TFB2M: variants seen among roughly 807,000 people sequenced by gnomAD.
TFB2M encodes transcription factor B2, mitochondrial, also known as dimethyladenosine transferase 2, mitochondrial.
Under a neutral mutation model 41.3 loss-of-function variants are expected in TFB2M, and 44 were observed. The ratio of observed to expected loss-of-function variants is 1.07; its 90% confidence interval spans 0.84 to 1.37. TFB2M has a LOEUF of 1.37. Among genes scored for constraint, TFB2M ranks in the 40% most tolerant of loss-of-function variants. The pLI, the probability that TFB2M is intolerant of heterozygous loss-of-function variation, is 0.00. For synonymous variants in TFB2M, 188 were observed against 176.8 expected (o/e 1.06, Z -0.50); for missense variants, 496 against 490.2 (o/e 1.01, Z -0.11).
intron 6 of TFB2M, among the ~76,000 whole-genome samples, chr1:246,546,645 G>GAA (rs35909822): frequency 8.7e-5 from 12 of 137,182 alleles, no homozygotes; most frequent in African/African-American, 2.6e-4. Context: ...ATAAAAAAAG[G>GAA]AAAAAAAAAA....
intron 2 of TFB2M, 152 bp downstream of exon 2, chr1:246,564,194 G>A (rs560118184): frequency 2.1e-4 from 137 of 638,824 alleles, no homozygotes; most frequent in African/African-American, 2.1e-3. Context: ...AATATTAACT[G>A]TGTTCTAGTC....
intron 6 of TFB2M, among the ~76,000 whole-genome samples, chr1:246,546,983 ATTTTTT>A (rs74163461): frequency 7.9e-6 from 1 of 127,180 alleles, no homozygotes; most frequent in Non-Finnish European, 1.7e-5. Flanking sequence ...ACACACACAC[ATTTTTT>A]TTTTTTTTTT....
At chr1:246,561,465 G>A (rs184266313) in intron 2 of TFB2M, among the ~76,000 whole-genome samples, 1 of 151,926 alleles carries the variant, frequency 6.6e-6, no homozygotes, top group East Asian at 1.9e-4. Flanking sequence ...CTGTTATCTT[G>A]AAGGTTTTTT....
intron 6 of TFB2M, among the ~76,000 whole-genome samples, chr1:246,546,543 G>C (rs1230272393): frequency 1.5e-4 from 22 of 151,722 alleles, no homozygotes; most frequent in Non-Finnish European, 5.9e-5. Flanking sequence ...GAACTCGGGA[G>C]GTAGGGGTTG....
chr1:246,549,943 T>C lies in TFB2M; in HGVS notation c.795+1270A>G, dbSNP rs1659126207. The stretch of plus-strand genomic sequence containing the variant: ...ACAGCTTTCCCCTCATCAAGCACAG[T>C]GGAGGAAAACCTGCAAGACACTGGG... On this transcript the variant is annotated intron_variant, in intron 5 of 7. Transcript: ENST00000366514. Among the ~76,000 whole-genome samples the C allele has an allele frequency of 7.2e-5, 11 of 152,238 alleles. No homozygotes were observed. In the South Asian group the frequency reaches 2.3e-3, roughly 32 times the overall value.
At chr1:246,548,230 A>G (rs764809493) in intron 6 of TFB2M, among the ~76,000 whole-genome samples, 9 of 152,212 alleles carry the variant, frequency 5.9e-5, no homozygotes, top group Non-Finnish European at 1.0e-4. Flanking sequence ...TTTTGTTTCT[A>G]ATTAATCGAA....
intron 1 of TFB2M, 51 bp from the exon 2 acceptor site, chr1:246,564,485 T>C (rs745933491): frequency 6.6e-7 from 1 of 1,515,728 alleles, no homozygotes; most frequent in Non-Finnish European, 9.1e-7. Flanking sequence ...ACATAATCTC[T>C]TTCAATACCA....
intron 3 of TFB2M, 28 bp downstream of exon 3, chr1:246,557,353 A>G (rs1659350053): frequency 6.2e-7 from 1 of 1,601,580 alleles, no homozygotes; most frequent in African/African-American, 1.3e-5. Flanking sequence ...AATTCTAGGT[A>G]TTTGCTTTAG....
rs752116599 is a variant in TFB2M, at chr1:246,566,023, C to T, written c.116G>A (p.Arg39Lys). The change falls in exon 1 of 8, where the codon AGG (arginine) becomes AAG (lysine). Residue 39 changes from arginine to lysine, a missense_variant. Coordinates refer to ENST00000366514, the MANE Select transcript of TFB2M (RefSeq NM_022366.3). Reference sequence around the variant, plus strand: ...GGAGTCAGAGAGCCCACAGTGGTTCCTCGCCGGCAAATGCTTTCGCGTCGC... The same window carrying T: ...GGAGTCAGAGAGCCCACAGTGGTTCTTCGCCGGCAAATGCTTTCGCGTCGC... ...EAATRKHLPA[R>K]NHCGLSDSSP... 3.0e-5 allele frequency: 48 copies of T among 1,614,222 alleles called. 1 individual carries two copies. The South Asian group carries it at 4.2e-4, about 14-fold the overall frequency.
In TFB2M at chr1:246,558,443, G is replaced by A. The variant is rs143621800; in HGVS notation, c.403-909C>T. On this transcript the variant is annotated intron_variant, in intron 2 of 7. Transcript: ENST00000366514. ...ATTACAGGTGTGAGCCACTGCACCC[G>A]GCCCCACTTACTTTCTTTATCATAA... Among the ~76,000 whole-genome samples the A allele has an allele frequency of 1.3e-3, 200 of 152,000 alleles. 1 individual carries two copies. Among genetic ancestry groups the A allele is most frequent in the African/African-American group, 4.6e-3 (191 of 41,446 alleles).
intron 1 of TFB2M, among the ~76,000 whole-genome samples, chr1:246,565,388 G>C (rs533978530): frequency 6.6e-6 from 1 of 152,266 alleles, no homozygotes; most frequent in South Asian, 2.1e-4. Flanking sequence ...TTATGTAGTG[G>C]GCAATCTCTC....
rs766945647 is a variant in TFB2M at position 246,541,568 on chromosome 1, G to C, written c.1020-366C>G. On this transcript the variant is annotated intron_variant, in intron 7 of 7. Coordinates refer to ENST00000366514, the MANE Select transcript of TFB2M (RefSeq NM_022366.3). ...ATATAAGCAATCTTATTTAGTTTAA[G>C]AGCTTCCAGTAACTTTATGCTTATT... Among the ~76,000 whole-genome samples, 3 of 152,088 alleles carry C rather than the reference G, an allele frequency of 2.0e-5. No homozygotes were observed. The South Asian group carries it at 6.2e-4, about 32-fold the overall frequency.
chr1:246,557,392 G>A lies in TFB2M; in HGVS notation c.545C>T (p.Pro182Leu), dbSNP rs752517729. ...LFKNLGIEAV[P>L]WTADIPLKVV... ...ATTCCAAAAATGACCTGCTGTCCAA[G>A]GAACTGCTTCTATTCCCAAATTCTT... is the stretch of plus-strand genomic sequence containing the variant. Residue 182 changes from proline to leucine, a missense_variant, in exon 3 of 8, where the codon CCT becomes CTT. Pro to Leu is a moderately conservative substitution (Grantham distance 98). Transcript: ENST00000366514. 9 of 1,610,940 alleles carry A rather than the reference G, an allele frequency of 5.6e-6. No homozygotes were observed. Among genetic ancestry groups the A allele is most frequent in the African/African-American group, 2.7e-5 (2 of 74,752 alleles).
intron 6 of TFB2M, among the ~76,000 whole-genome samples, 157 bp from the exon 7 acceptor site, chr1:246,544,838 C>T (rs1658954562): frequency 6.6e-6 from 1 of 152,188 alleles, no homozygotes; most frequent in African/African-American, 2.4e-5. Flanking sequence ...TAGAGTCTCA[C>T]TCTGTCGCCC....
At chr1:246,561,669 A>G (rs1283737911) in intron 2 of TFB2M, among the ~76,000 whole-genome samples, 1 of 152,074 alleles carries the variant, frequency 6.6e-6, no homozygotes, top group Admixed American at 6.5e-5. Context: ...GGGTTTCACT[A>G]TGTTGGCCAG....
chr1:246,550,174 A>G (rs1659135133), intron 5 of TFB2M, among the ~76,000 whole-genome samples: 1 of 152,268 alleles, frequency 6.6e-6, no homozygotes, highest in African/African-American at 2.4e-5. Flanking sequence ...TGAAGAAACT[A>G]GCTGAAAGCT....
chr1:246,554,364 G>A (rs1339445752), intron 4 of TFB2M, among the ~76,000 whole-genome samples: 3 of 152,146 alleles, frequency 2.0e-5, no homozygotes, highest in South Asian at 2.1e-4. Flanking sequence ...GGAAGTGAGC[G>A]GCAGGTGAAC....
intron 6 of TFB2M, 100 bp from the exon 7 acceptor site, chr1:246,544,781 A>G (rs1410982797): frequency 2.0e-6 from 2 of 1,018,110 alleles, no homozygotes; most frequent in Non-Finnish European, 2.9e-6. Flanking sequence ...AGACACAATC[A>G]CCACAGGCCC....
intron 6 of TFB2M, among the ~76,000 whole-genome samples, chr1:246,546,796 G>A (rs1415202326): frequency 7.8e-6 from 1 of 128,068 alleles, no homozygotes; most frequent in African/African-American, 2.6e-5. Context: ...AACAAAACTT[G>A]GATAGAAATG....
Sources: gnomAD v4.1 joint callset for allele counts (sites outside exome capture counted in the v4.1 genomes callset) on GRCh38, gnomAD v4.1.1 for gene constraint, MANE v1.5 for transcripts, NCBI Gene and HGNC (gene_info 2026-07-23, HGNC 2026-07-21) for gene names.